Variants in DOK5 observed in about 807,000 individuals in gnomAD.
DOK5 encodes docking protein 5.
DOK5 carries 27 observed loss-of-function variants against 43.3 expected under a neutral mutation model. The ratio of observed to expected loss-of-function variants is 0.62; its 90% CI spans 0.46 to 0.86. DOK5 has a LOEUF of 0.86. Among genes scored for constraint, DOK5 ranks in the 40% least tolerant of loss-of-function variants. The pLI is 0.00. For synonymous variants in DOK5, 146 were observed against 140.1 expected, an observed-to-expected ratio of 1.04 and a Z score of -0.30; for missense variants, 373 against 392.9, an observed-to-expected ratio of 0.95 and a Z score of 0.43.
At chr20:54,502,278 C>T (rs368233102) in intron 1 of DOK5, among the ~76,000 whole-genome samples, 50 of 152,136 alleles carry the variant, frequency 3.3e-4, no homozygotes, top group Non-Finnish European at 5.3e-4. Flanking sequence ...ATCTATTCAA[C>T]GACTTTTCAT....
intron 1 of DOK5, among the ~76,000 whole-genome samples, chr20:54,501,914 C>T (rs751109181): frequency 8.5e-5 from 13 of 152,198 alleles, no homozygotes; most frequent in African/African-American, 1.2e-4. Context: ...TTTATTTCCT[C>T]GGTTAATACT....
chr20:54,582,387 G>A (rs371327482), intron 2 of DOK5, among the ~76,000 whole-genome samples: 2 of 151,824 alleles, frequency 1.3e-5, no homozygotes, highest in African/African-American at 4.8e-5. Flanking sequence ...GAATTTGGAA[G>A]CGTTCCTTCC....
At chr20:54,549,090 A>T (rs1164528137) in intron 1 of DOK5, among the ~76,000 whole-genome samples, 1 of 152,232 alleles carries the variant, frequency 6.6e-6, no homozygotes, top group East Asian at 1.9e-4. Context: ...CACTTTTAGA[A>T]GTCTTTGTCG....
intron 6 of DOK5, among the ~76,000 whole-genome samples, chr20:54,616,848 C>T (rs753953520): frequency 5.3e-5 from 7 of 133,292 alleles, no homozygotes; most frequent in South Asian, 2.3e-4. Context: ...AGTGCAGTGG[C>T]GCTATCTCGG....
At chr20:54,546,688 G>A (rs1984361079) in intron 1 of DOK5, among the ~76,000 whole-genome samples, 1 of 152,078 alleles carries the variant, frequency 6.6e-6, no homozygotes, top group Non-Finnish European at 1.5e-5. Flanking sequence ...GGGAATGCTG[G>A]CAAAATGGAA....
At chr20:54,596,694 T>C (rs551871113) in intron 5 of DOK5, among the ~76,000 whole-genome samples, 14 of 152,256 alleles carry the variant, frequency 9.2e-5, no homozygotes, top group Non-Finnish European at 1.9e-4. Flanking sequence ...TAAAGGCACA[T>C]GTAAAGACAC....
intron 5 of DOK5, among the ~76,000 whole-genome samples, chr20:54,603,030 G>A (rs567357894): frequency 6.6e-6 from 1 of 152,284 alleles, no homozygotes; most frequent in African/African-American, 2.4e-5. Flanking sequence ...GTTTGCTATT[G>A]ATGTGATGAT....
At chr20:54,500,009 C>T (rs969627398) in intron 1 of DOK5, among the ~76,000 whole-genome samples, 1 of 152,196 alleles carries the variant, frequency 6.6e-6, no homozygotes, top group Non-Finnish European at 1.5e-5. Flanking sequence ...GTGAATACCC[C>T]AGGTTACCAC....
chr20:54,601,825 A>C (rs1942831226), intron 5 of DOK5, among the ~76,000 whole-genome samples: 1 of 152,232 alleles, frequency 6.6e-6, no homozygotes, highest in African/African-American at 2.4e-5. Flanking sequence ...GAGCTGGAGA[A>C]ACAAAACACC....
chr20:54,526,006 C>T (rs1269807819), intron 1 of DOK5, among the ~76,000 whole-genome samples: 1 of 152,134 alleles, frequency 6.6e-6, no homozygotes, highest in Non-Finnish European at 1.5e-5. Flanking sequence ...TGACAGGCTG[C>T]ATAGTTTATT....
chr20:54,626,426 A>G (rs1987133890), intron 6 of DOK5, among the ~76,000 whole-genome samples: 2 of 152,224 alleles, frequency 1.3e-5, no homozygotes, highest in African/African-American at 4.8e-5. Flanking sequence ...CCTTGGAGAT[A>G]GGGACTGGTT....
chr20:54,550,252 C>G (rs776782192), intron 1 of DOK5, among the ~76,000 whole-genome samples: 4 of 150,654 alleles, frequency 2.7e-5, no homozygotes, highest in Non-Finnish European at 5.9e-5. Flanking sequence ...ATTTTAAGAT[C>G]TTGCTTTAAT....
At chr20:54,500,557 A>ATTTT (rs545357915) in intron 1 of DOK5, among the ~76,000 whole-genome samples, 4,008 of 115,200 alleles carry the variant, frequency 0.035, 309 homozygotes, top group African/African-American at 0.13. Context: ...TACCCAGTGT[A>ATTTT]TTTTTTTTTT....
chr20:54,593,544 C>G (rs1986044246), intron 5 of DOK5, among the ~76,000 whole-genome samples: 1 of 152,080 alleles, frequency 6.6e-6, no homozygotes, highest in Non-Finnish European at 1.5e-5. Flanking sequence ...AAGAAAATCC[C>G]AGGCCAGGAC....
chr20:54,650,377 G>T, intron 7 of DOK5, 38 bp from the exon 8 acceptor site: 1 of 1,604,354 alleles, frequency 6.2e-7, no homozygotes, highest in Non-Finnish European at 8.5e-7. Flanking sequence ...GGGCTTTCTT[G>T]AAATGTAACT....
intron 1 of DOK5, among the ~76,000 whole-genome samples, chr20:54,514,961 A>C (rs1983145965): frequency 6.6e-6 from 1 of 151,378 alleles, no homozygotes; most frequent in Non-Finnish European, 1.5e-5. Flanking sequence ...AAGAAAATAA[A>C]TAATCTTACT....
In DOK5 at chr20:54,483,276, A is replaced by T. The variant is rs541967764; in HGVS notation, c.66+7264A>T. Reference sequence around the variant, plus strand: ...ATTTATTAGAAGACTAGAAATATTTATTTTTAAAGCAGCTTTGTAATTTTT... The same window carrying T: ...ATTTATTAGAAGACTAGAAATATTTTTTTTTAAAGCAGCTTTGTAATTTTT... On this transcript the variant is annotated intron_variant, in intron 1 of 7. Transcript: ENST00000262593. 4.4e-4 allele frequency among the ~76,000 whole-genome samples: 67 copies of T among 152,322 alleles called. No individual in the cohort carries two copies. The South Asian group carries it at 6.0e-3, about 14-fold the overall frequency.
intron 5 of DOK5, among the ~76,000 whole-genome samples, chr20:54,592,307 A>G (rs1384239922): frequency 6.6e-6 from 1 of 152,154 alleles, no homozygotes; most frequent in Non-Finnish European, 1.5e-5. Context: ...TGAATACTGA[A>G]AGAGATTAAT....
chr20:54,598,740 T>C (rs73144058), intron 5 of DOK5, among the ~76,000 whole-genome samples: 1 of 152,364 alleles, frequency 6.6e-6, no homozygotes, highest in Non-Finnish European at 1.5e-5. Flanking sequence ...GAGAAACTTT[T>C]AGGTATGCCA....
Sources: gnomAD v4.1 joint callset for allele counts (sites outside exome capture counted in the v4.1 genomes callset) on GRCh38, gnomAD v4.1.1 for gene constraint, MANE v1.5 for transcripts, NCBI Gene and HGNC (gene_info 2026-07-23, HGNC 2026-07-21) for gene names.